Variants in ADAMTS9 observed in about 807,000 individuals in gnomAD.
ADAMTS9 encodes A disintegrin and metalloproteinase with thrombospondin motifs 9.
In ADAMTS9, 107 loss-of-function variants were observed where a neutral mutation model predicts 257.1. That is an observed-to-expected ratio of 0.42 (90% CI 0.36 to 0.49). ADAMTS9 has a LOEUF of 0.49. Ranked by LOEUF, ADAMTS9 falls within the 20% of genes least tolerant of loss-of-function variation. The pLI, the probability that ADAMTS9 is intolerant of heterozygous loss-of-function variation, is 0.03. For synonymous variants in ADAMTS9, 982 were observed against 880.9 expected, an observed-to-expected ratio of 1.11 and a Z score of -2.03; for missense variants, 2,353 against 2,469.1, an observed-to-expected ratio of 0.95 and a Z score of 1.00.
intron 28 of ADAMTS9, among the ~76,000 whole-genome samples, chr3:64,576,143 T>C (rs1034406673): frequency 6.6e-6 from 1 of 152,212 alleles, no homozygotes; most frequent in Non-Finnish European, 1.5e-5. Flanking sequence ...CAGTATTGTC[T>C]CTTCTCACCA....
intron 38 of ADAMTS9, among the ~76,000 whole-genome samples, chr3:64,532,013 T>C (rs955599375): frequency 6.6e-6 from 1 of 152,224 alleles, no homozygotes; most frequent in Non-Finnish European, 1.5e-5. Context: ...CTTTAAATTC[T>C]ACTCCTGCCA....
intron 4 of ADAMTS9, among the ~76,000 whole-genome samples, chr3:64,656,274 T>C (rs936027821): frequency 1.3e-5 from 2 of 152,212 alleles, no homozygotes; most frequent in Admixed American, 6.5e-5. Flanking sequence ...ACCCATTGTG[T>C]CCTTGACAAC....
intron 28 of ADAMTS9, among the ~76,000 whole-genome samples, chr3:64,576,733 C>A (rs921685072): frequency 6.6e-6 from 1 of 152,158 alleles, no homozygotes; most frequent in Admixed American, 6.5e-5. Flanking sequence ...TCCTCCCATC[C>A]CCACTGCCCC....
At chr3:64,572,008 T>C (rs963897923) in intron 28 of ADAMTS9, among the ~76,000 whole-genome samples, 4 of 152,234 alleles carry the variant, frequency 2.6e-5, no homozygotes, top group African/African-American at 7.2e-5. Flanking sequence ...ACACATCTGA[T>C]AGTTCTTGCT....
At chr3:64,629,711 G>T (rs1396167025) in intron 16 of ADAMTS9, among the ~76,000 whole-genome samples, 2 of 152,168 alleles carry the variant, frequency 1.3e-5, no homozygotes, top group Non-Finnish European at 2.9e-5. Context: ...AAAAAGTAAC[G>T]TCCAAGAAGA....
At chr3:64,534,996 G>T (rs1343530419) in intron 37 of ADAMTS9, among the ~76,000 whole-genome samples, 1 of 152,162 alleles carries the variant, frequency 6.6e-6, no homozygotes, top group African/African-American at 2.4e-5. Context: ...AAATGGATTA[G>T]TAAGACTTAA....
At chr3:64,667,601 T>G (rs1033753150) in intron 3 of ADAMTS9, among the ~76,000 whole-genome samples, 1 of 152,126 alleles carries the variant, frequency 6.6e-6, no homozygotes, top group African/African-American at 2.4e-5. Flanking sequence ...TCCAGCTACC[T>G]GGGGAGTTAA....
At chr3:64,620,361 C>A (rs1408155866) in intron 19 of ADAMTS9, among the ~76,000 whole-genome samples, 1 of 152,154 alleles carries the variant, frequency 6.6e-6, no homozygotes, top group Non-Finnish European at 1.5e-5. Context: ...CACTTTTCTG[C>A]TTATAAATGG....
At chr3:64,641,246 CTTT>C (rs61090961) in intron 12 of ADAMTS9, among the ~76,000 whole-genome samples, 40 of 144,368 alleles carry the variant, frequency 2.8e-4, no homozygotes, top group African/African-American at 6.6e-4. Flanking sequence ...AGTGTGCTAT[CTTT>C]TTTTTTTTTG....
chr3:64,539,371 A>C lies in ADAMTS9; in HGVS notation c.5522-77T>G, dbSNP rs994560899. Reference sequence around the variant, plus strand: ...GGCAAGGAAGGAACAGGACATTAACAAGGAGACAGAAGGGAAGAAGAAGAA... The same window carrying C: ...GGCAAGGAAGGAACAGGACATTAACCAGGAGACAGAAGGGAAGAAGAAGAA... On this transcript the variant is annotated intron_variant, in intron 36 of 39. Coordinates refer to ENST00000498707, the MANE Select transcript of ADAMTS9 (RefSeq NM_182920.2). 3.4e-6 allele frequency: 4 copies of C among 1,159,610 alleles called. No homozygotes were observed. In the African/African-American group the frequency reaches 4.6e-5, roughly 13 times the overall value. The allele number at this position is 1,159,610 out of a possible 1,614,324, so 71.8% of individuals were successfully genotyped here.
At chr3:64,681,877 C>G (rs1322862007) in intron 2 of ADAMTS9, among the ~76,000 whole-genome samples, 1 of 152,102 alleles carries the variant, frequency 6.6e-6, no homozygotes, top group Non-Finnish European at 1.5e-5. Flanking sequence ...CCTTAGAGCT[C>G]AAGTTCCAAT....
Position 64,633,842 on chromosome 3 carries a change from T to C in ADAMTS9, c.1894A>G (p.Met632Val). The part of the protein sequence containing the change: ...NGGKYCVGRR[M>V]KFKSCNTEPC... ...TCCGTGTTGCAGGACTTAAATTTCA[T>C]TCTACGTCCTACACAGTATTTTCCA... is the stretch of plus-strand genomic sequence containing the variant. Residue 632 changes from methionine to valine, a missense_variant, in exon 13 of 40, where the codon ATG becomes GTG. Physicochemically the swap from Met to Val is conservative, Grantham distance 21 (BLOSUM62 1). Transcript: ENST00000498707. 6.2e-7 allele frequency: 1 copy of C among 1,613,426 alleles called. No individual in the cohort carries two copies. The highest frequency in any genetic ancestry group is 8.5e-7 in the Non-Finnish European group (1 of 1,179,916).
At chr3:64,551,865 C>G (rs144381739) in intron 30 of ADAMTS9, among the ~76,000 whole-genome samples, 1 of 152,240 alleles carries the variant, frequency 6.6e-6, no homozygotes, top group African/African-American at 2.4e-5. Context: ...CAAGTAATCT[C>G]CTTCAGCTAT....
chr3:64,675,560 A>C (rs6776226), intron 3 of ADAMTS9, among the ~76,000 whole-genome samples: 13 of 152,172 alleles, frequency 8.5e-5, no homozygotes, highest in Non-Finnish European at 1.0e-4. Flanking sequence ...TGAAGGCTAT[A>C]GTAAGCTATG....
At chr3:64,589,048 T>C (rs951768063) in intron 28 of ADAMTS9, 2 of 152,230 alleles carry the variant, frequency 1.3e-5, no homozygotes, top group Non-Finnish European at 2.9e-5. Flanking sequence ...GTCTTCATTG[T>C]AGTAAAAGTA....
At chr3:64,638,264 C>T (rs1408412672) in intron 12 of ADAMTS9, among the ~76,000 whole-genome samples, 3 of 152,076 alleles carry the variant, frequency 2.0e-5, no homozygotes, top group Non-Finnish European at 2.9e-5. Context: ...TTCTACGTAC[C>T]ATTTTGTTTC....
chr3:64,539,410 G>C (rs1035388018), intron 36 of ADAMTS9, 116 bp from the exon 37 acceptor site: 1 of 846,222 alleles, frequency 1.2e-6, no homozygotes, highest in African/African-American at 1.7e-5. Context: ...GAGGGAATGG[G>C]AGAGAAAGAA....
At chr3:64,636,210 C>T (rs949833920) in intron 12 of ADAMTS9, among the ~76,000 whole-genome samples, 1 of 152,034 alleles carries the variant, frequency 6.6e-6, no homozygotes. Flanking sequence ...TAACAGTTTC[C>T]ACCTTTGCTT....
At chr3:64,671,153 A>G (rs1701475984) in intron 3 of ADAMTS9, among the ~76,000 whole-genome samples, 1 of 152,238 alleles carries the variant, frequency 6.6e-6, no homozygotes, top group Non-Finnish European at 1.5e-5. Flanking sequence ...TAATGGTTAA[A>G]GAAATGGTGA....
Sources: allele counts gnomAD v4.1 joint callset (sites outside exome capture counted in the v4.1 genomes callset), GRCh38; gene constraint gnomAD v4.1.1; transcripts MANE v1.5; gene names NCBI Gene and HGNC (gene_info 2026-07-23, HGNC 2026-07-21).